CDK14: variants seen among roughly 807,000 people sequenced by gnomAD.
The protein encoded by CDK14 is cyclin dependent kinase 14.
In CDK14, 34 loss-of-function variants were observed where a neutral mutation model predicts 60.7. The ratio of observed to expected loss-of-function variants is 0.56; its 90% CI spans 0.43 to 0.75. The LOEUF (loss-of-function observed/expected upper bound fraction) is 0.75, where lower values mean the gene tolerates loss of function less well. Ranked by LOEUF, CDK14 falls within the 30% of genes least tolerant of loss-of-function variation. The probability of loss-of-function intolerance (pLI) is 0.00; values close to 1 mark genes in which losing one functional copy is unlikely to be tolerated. For synonymous variants in CDK14, 197 were observed against 203.7 expected (o/e 0.97, Z 0.28); for missense variants, 482 against 564.1 (o/e 0.85, Z 1.47).
At chr7:90,622,913 C>CTTTT (rs928149232) in intron 2 of CDK14, among the ~76,000 whole-genome samples, 2 of 134,884 alleles carry the variant, frequency 1.5e-5, no homozygotes, top group African/African-American at 5.5e-5. Flanking sequence ...TGTTTTCTTT[C>CTTTT]TTTTTTTTTC....
chr7:90,623,096 T>A (rs1407072418), intron 2 of CDK14, among the ~76,000 whole-genome samples: 2 of 151,510 alleles, frequency 1.3e-5, no homozygotes, highest in African/African-American at 4.8e-5. Flanking sequence ...TTTTTAAAAA[T>A]TCTTTTTATT....
chr7:91,085,442 C>T (rs1478123952), intron 12 of CDK14, among the ~76,000 whole-genome samples: 1 of 152,200 alleles, frequency 6.6e-6, no homozygotes, highest in East Asian at 1.9e-4. Flanking sequence ...CCTCTGCCTC[C>T]AGCAGGAGAA....
chr7:90,895,380 CCTCTCCTCT>C (rs1562817592), intron 6 of CDK14, among the ~76,000 whole-genome samples: 12 of 5,238 alleles, frequency 2.3e-3, no homozygotes, highest in African/African-American at 3.5e-3. Context: ...CCTCCCCTCT[CCTCTCCTCT>C]CCTCTCCTCT....
intron 14 of CDK14, among the ~76,000 whole-genome samples, chr7:91,191,154 G>A (rs912209634): frequency 1.3e-5 from 2 of 152,046 alleles, no homozygotes; most frequent in African/African-American, 4.8e-5. Flanking sequence ...TCTAGTGTCT[G>A]GTCTCACTGT....
chr7:91,104,469 A>G (rs1799230076), intron 12 of CDK14, among the ~76,000 whole-genome samples: 1 of 152,120 alleles, frequency 6.6e-6, no homozygotes. Flanking sequence ...CCATCTCTCT[A>G]AATGGCTCCA....
intron 14 of CDK14, among the ~76,000 whole-genome samples, chr7:91,206,076 G>A (rs933880516): frequency 6.6e-6 from 1 of 152,170 alleles, no homozygotes; most frequent in Admixed American, 6.5e-5. Context: ...TTACAGGCAT[G>A]AGCCACCGTG....
rs144352051 is a variant in CDK14 at position 91,080,573 on chromosome 7, T to G, written c.1154+1093T>G. ...CCCTCTCCTGGGAGCTTCCTGTGCA[T>G]GCTCCTCTTCTCTGCCTCCCCATTT... is the stretch of plus-strand genomic sequence containing the variant. On this transcript the variant is annotated intron_variant, in intron 12 of 14. Coordinates refer to ENST00000380050, the MANE Select transcript of CDK14 (RefSeq NM_001287135.2). Among the ~76,000 whole-genome samples the G allele has an allele frequency of 3.5e-4, 54 of 152,346 alleles. 1 individual carries two copies. In the East Asian group the frequency reaches 6.2e-3, roughly 17 times the overall value.
intron 4 of CDK14, among the ~76,000 whole-genome samples, chr7:90,764,411 A>T (rs925562386): frequency 1.3e-5 from 2 of 152,236 alleles, no homozygotes; most frequent in African/African-American, 4.8e-5. Flanking sequence ...TTAGAGCTCA[A>T]AGCTAACAGG....
At chr7:90,640,512 G>T (rs1423397308) in intron 2 of CDK14, among the ~76,000 whole-genome samples, 1 of 152,096 alleles carries the variant, frequency 6.6e-6, no homozygotes, top group Non-Finnish European at 1.5e-5. Context: ...TTGAAATTTG[G>T]ATGGAGAGGA....
intron 2 of CDK14, chr7:90,710,040 A>T (rs1281585611): frequency 1.1e-6 from 1 of 898,806 alleles, no homozygotes; most frequent in Non-Finnish European, 1.3e-6. Flanking sequence ...TCACTCATTT[A>T]CAACTTAAAA....
At chr7:91,183,240 C>T (rs1329776917) in intron 14 of CDK14, among the ~76,000 whole-genome samples, 1 of 152,188 alleles carries the variant, frequency 6.6e-6, no homozygotes, top group Admixed American at 6.5e-5. Context: ...TAAAACAGCA[C>T]AGAGTTTGTG....
At chr7:90,679,830 TA>T (rs34113223) in intron 2 of CDK14, among the ~76,000 whole-genome samples, 1 of 152,216 alleles carries the variant, frequency 6.6e-6, no homozygotes, top group East Asian at 1.9e-4. Flanking sequence ...AATGAATTTT[TA>T]AAAATGATCT....
At chr7:90,940,265 A>G (rs940687032) in intron 8 of CDK14, among the ~76,000 whole-genome samples, 13 of 152,072 alleles carry the variant, frequency 8.5e-5, no homozygotes, top group African/African-American at 2.9e-4. Context: ...CACATTTTTT[A>G]CATAAATAAT....
At chr7:90,697,538 A>G (rs1469531044) in intron 2 of CDK14, among the ~76,000 whole-genome samples, 2 of 152,096 alleles carry the variant, frequency 1.3e-5, no homozygotes, top group Non-Finnish European at 2.9e-5. Context: ...GTGCAGTTAC[A>G]ATGTGCTTTC....
intron 14 of CDK14, among the ~76,000 whole-genome samples, chr7:91,122,940 CT>C (rs1167173220): frequency 3.3e-5 from 5 of 152,274 alleles, no homozygotes; most frequent in Middle Eastern, 3.4e-3. Flanking sequence ...GTTGGCCAAC[CT>C]GTTTTTAAGG....
chr7:90,895,727 AT>A (rs35655255), intron 6 of CDK14, among the ~76,000 whole-genome samples: 43,604 of 104,950 alleles, frequency 0.42, 8,600 homozygotes, highest in East Asian at 0.65. Flanking sequence ...CACTTGGCTA[AT>A]TTTTTTTTTT....
intron 14 of CDK14, among the ~76,000 whole-genome samples, chr7:91,167,758 G>A (rs898954854): frequency 3.9e-5 from 6 of 152,106 alleles, no homozygotes; most frequent in Admixed American, 1.3e-4. Flanking sequence ...CCATTTTGTT[G>A]CTGTGCAAAT....
rs1236816524 is a variant in CDK14, at chr7:91,207,213, G to C, written c.*77G>C. 6.6e-6 allele frequency: 1 copy of C among 151,968 alleles called. No homozygotes were observed. The highest frequency in any genetic ancestry group is 2.4e-5 in the African/African-American group (1 of 41,366). 9.4% of individuals were successfully genotyped at this position (151,968 alleles called of 1,614,324 possible). A position where few individuals can be genotyped will look rare whatever the true frequency, so the allele number is the denominator to read the frequency against. ...AAGAAAAAAAAAACATTAATGAAGAGGCCAATAATATGAAGGGAATCATGG... is the reference window on the plus strand; with the variant it reads ...AAGAAAAAAAAAACATTAATGAAGACGCCAATAATATGAAGGGAATCATGG... On this transcript the variant is annotated 3_prime_UTR_variant, in exon 15 of 15. Transcript: ENST00000380050.
Position 90,895,348 on chromosome 7 carries a change from CT to C in CDK14, c.640-3942del, listed in dbSNP as rs1562817484. On this transcript the variant is annotated intron_variant, in intron 6 of 14. Coordinates refer to ENST00000380050, the MANE Select transcript of CDK14 (RefSeq NM_001287135.2). ...CTCCTTTCCTCTCCTCTCCTCTCCT[CT>C]CCTCTCCTCACCTCTCCTCCCCTCC... 8.1e-5 allele frequency among the ~76,000 whole-genome samples: 7 copies of C among 86,360 alleles called. 1 individual carries two copies. Among genetic ancestry groups the C allele is most frequent in the African/African-American group, 2.7e-4 (6 of 22,228 alleles). The allele number at this position is 86,360 out of a possible 152,430, so 56.7% of individuals were successfully genotyped here.
Sources: allele counts gnomAD v4.1 joint callset (sites outside exome capture counted in the v4.1 genomes callset), GRCh38; gene constraint gnomAD v4.1.1; transcripts MANE v1.5; gene names NCBI Gene and HGNC (gene_info 2026-07-23, HGNC 2026-07-21).